Variants in DNER observed in about 807,000 individuals in gnomAD.
DNER encodes the protein delta/notch like EGF repeat containing, also known as delta and Notch-like epidermal growth factor-related receptor.
Under a neutral mutation model 78.2 loss-of-function variants are expected in DNER, and 33 were observed. That is an observed-to-expected ratio of 0.42 (90% confidence interval 0.32 to 0.56). DNER has a LOEUF of 0.56. Ranked by LOEUF, DNER falls within the 20% of genes least tolerant of loss-of-function variation. The probability of loss-of-function intolerance (pLI) is 0.11; values close to 1 mark genes in which losing one functional copy is unlikely to be tolerated. For missense variants in DNER, 918 were observed against 975.3 expected, an observed-to-expected ratio of 0.94 and a Z score of 0.78; for synonymous variants, 417 against 384.8, an observed-to-expected ratio of 1.08 and a Z score of -0.98.
At chr2:229,700,642 C>T (rs1699731061) in intron 1 of DNER, among the ~76,000 whole-genome samples, 2 of 151,766 alleles carry the variant, frequency 1.3e-5, no homozygotes, top group Non-Finnish European at 2.9e-5. Context: ...TGGCCAGGCA[C>T]GGTGGCTCAT....
chr2:229,386,833 C>T, intron 11 of DNER, among the ~76,000 whole-genome samples: 1 of 151,964 alleles, frequency 6.6e-6, no homozygotes, highest in East Asian at 1.9e-4. Flanking sequence ...ATAACAGATG[C>T]TGCAGAGGAT....
chr2:229,478,241 C>CTT (rs1695078411), intron 6 of DNER, among the ~76,000 whole-genome samples: 1 of 151,602 alleles, frequency 6.6e-6, no homozygotes, highest in Admixed American at 6.6e-5. Flanking sequence ...TAGTGTAACA[C>CTT]TTTATTTCTA....
At chr2:229,702,142 C>T (rs1212248674) in intron 1 of DNER, 1 of 163,908 alleles carries the variant, frequency 6.1e-6, no homozygotes, top group Non-Finnish European at 1.3e-5. Context: ...GAAATGTTCT[C>T]TGAAGATTAA....
At chr2:229,560,221 A>G (rs1189618711) in intron 4 of DNER, among the ~76,000 whole-genome samples, 1 of 152,186 alleles carries the variant, frequency 6.6e-6, no homozygotes, top group Non-Finnish European at 1.5e-5. Context: ...TGCTTTTCTC[A>G]CTTCAGCCAT....
At chr2:229,399,301 C>CAT (rs1693214885) in intron 10 of DNER, among the ~76,000 whole-genome samples, 2 of 119,902 alleles carry the variant, frequency 1.7e-5, no homozygotes, top group African/African-American at 5.5e-5. Flanking sequence ...AAAAATACAC[C>CAT]ATACACACAC....
chr2:229,515,654 T>TTTTTTTTTA (rs1695956177), intron 5 of DNER, among the ~76,000 whole-genome samples: 1 of 149,900 alleles, frequency 6.7e-6, no homozygotes, highest in Non-Finnish European at 1.5e-5. Flanking sequence ...TTTATTTTTT[T>TTTTTTTTTA]TTTTTTGAGA....
intron 2 of DNER, among the ~76,000 whole-genome samples, chr2:229,589,188 A>C (rs1291954200): frequency 6.6e-6 from 1 of 152,240 alleles, no homozygotes; most frequent in Admixed American, 6.5e-5. Flanking sequence ...TTATGCACTT[A>C]GTCCTCATGC....
chr2:229,551,825 G>A (rs1321325244), intron 4 of DNER, among the ~76,000 whole-genome samples: 1 of 151,990 alleles, frequency 6.6e-6, no homozygotes, highest in Non-Finnish European at 1.5e-5. Flanking sequence ...CCAGCTACTC[G>A]GGAGGCTGAG....
At chr2:229,616,806 T>C (rs1273689417) in intron 1 of DNER, among the ~76,000 whole-genome samples, 1 of 152,214 alleles carries the variant, frequency 6.6e-6, no homozygotes, top group Admixed American at 6.5e-5. Flanking sequence ...TCACATAGGC[T>C]AAGTGAGCAT....
At chr2:229,375,931 T>G (rs112008718) in intron 11 of DNER, among the ~76,000 whole-genome samples, 8,872 of 152,034 alleles carry the variant, frequency 0.058, 312 homozygotes, top group Middle Eastern at 0.088. Flanking sequence ...TGGGGGCGGG[T>G]CCCCCATGCT....
At chr2:229,705,612 C>T (rs1699814893) in intron 1 of DNER, among the ~76,000 whole-genome samples, 1 of 152,138 alleles carries the variant, frequency 6.6e-6, no homozygotes, top group Non-Finnish European at 1.5e-5. Flanking sequence ...GTAATGACCC[C>T]ATACTCAAAG....
At chr2:229,419,522 A>C (rs978554101) in intron 8 of DNER, among the ~76,000 whole-genome samples, 1 of 152,212 alleles carries the variant, frequency 6.6e-6, no homozygotes, top group Non-Finnish European at 1.5e-5. Flanking sequence ...CCATTAGAAC[A>C]TGCTAATATG....
At chr2:229,392,652 G>A (rs11678000) in intron 10 of DNER, among the ~76,000 whole-genome samples, 11,083 of 148,408 alleles carry the variant, frequency 0.075, 479 homozygotes, top group Non-Finnish European at 0.094. Context: ...CACTGCCAGA[G>A]TGGAACTATT....
At chr2:229,410,369 T>G (rs1415018501) in intron 9 of DNER, among the ~76,000 whole-genome samples, 2 of 152,142 alleles carry the variant, frequency 1.3e-5, no homozygotes, top group African/African-American at 4.8e-5. Context: ...GTGGAAGAAA[T>G]TATGGACCTA....
chr2:229,451,450 C>G (rs1417976710), intron 7 of DNER, among the ~76,000 whole-genome samples: 1 of 152,202 alleles, frequency 6.6e-6, no homozygotes. Context: ...GAGCAAGACT[C>G]TGTCTCGAAA....
At chr2:229,612,605 C>A (rs765179335) in intron 1 of DNER, among the ~76,000 whole-genome samples, 1 of 152,222 alleles carries the variant, frequency 6.6e-6, no homozygotes, top group Non-Finnish European at 1.5e-5. Context: ...AGCCTCGCTG[C>A]GGACACAAAG....
chr2:229,662,121 C>T (rs563540784), intron 1 of DNER, among the ~76,000 whole-genome samples: 1 of 152,258 alleles, frequency 6.6e-6, no homozygotes, highest in East Asian at 1.9e-4. Flanking sequence ...GGTATGCTAC[C>T]TTCAAAAGTG....
chr2:229,456,626 T>C (rs747966945), intron 7 of DNER, among the ~76,000 whole-genome samples: 3 of 152,082 alleles, frequency 2.0e-5, no homozygotes, highest in Non-Finnish European at 2.9e-5. Flanking sequence ...ACATCTGTGA[T>C]GACCTTCTGA....
At chr2:229,617,015 C>T (rs747095894) in intron 1 of DNER, among the ~76,000 whole-genome samples, 27 of 152,142 alleles carry the variant, frequency 1.8e-4, no homozygotes, top group South Asian at 4.2e-4. Context: ...GAAGAAGAAC[C>T]GAAAGATGAA....
Sources: gnomAD v4.1 joint callset for allele counts (sites outside exome capture counted in the v4.1 genomes callset) on GRCh38, gnomAD v4.1.1 for gene constraint, MANE v1.5 for transcripts, NCBI Gene and HGNC (gene_info 2026-07-23, HGNC 2026-07-21) for gene names.